Variants in TBCK observed in about 807,000 individuals in gnomAD.
TBCK encodes the protein TBC1 domain containing kinase, also known as TBC domain-containing protein kinase-like protein.
TBCK carries 99 observed loss-of-function variants against 113.4 expected under a neutral mutation model. The ratio of observed to expected loss-of-function variants is 0.87; its 90% CI spans 0.74 to 1.03. TBCK has a LOEUF of 1.03. Ranked by LOEUF, TBCK falls within the 50% of genes least tolerant of loss-of-function variation. The pLI is 0.00. For synonymous variants in TBCK, 369 were observed against 370.8 expected (o/e 1.00, Z 0.05); for missense variants, 1,045 against 1,061.3 (o/e 0.98, Z 0.21).
intron 20 of TBCK, among the ~76,000 whole-genome samples, chr4:106,202,653 T>C (rs1755021039): frequency 6.6e-6 from 1 of 152,058 alleles, no homozygotes; most frequent in African/African-American, 2.4e-5. Context: ...TAGCAACAGT[T>C]TAACTCAAGT....
chr4:106,260,621 A>G (rs1015375669), intron 4 of TBCK, 111 bp from the exon 5 acceptor site: 2 of 388,788 alleles, frequency 5.1e-6, no homozygotes, highest in African/African-American at 4.2e-5. Context: ...AAACCATTAT[A>G]TAACAATATT....
At chr4:106,123,798 A>T (rs1444915150) in intron 23 of TBCK, among the ~76,000 whole-genome samples, 1 of 149,654 alleles carries the variant, frequency 6.7e-6, no homozygotes, top group Non-Finnish European at 1.5e-5. Flanking sequence ...GGCTAGCCAT[A>T]TGTAGAAAGC....
chr4:106,122,571 A>C (rs1744569041), intron 23 of TBCK, among the ~76,000 whole-genome samples: 1 of 152,212 alleles, frequency 6.6e-6, no homozygotes, highest in South Asian at 2.1e-4. Flanking sequence ...AGACACAGCA[A>C]AAAAAGCGAA....
At chr4:106,140,128 G>A (rs1177034673) in intron 23 of TBCK, among the ~76,000 whole-genome samples, 2 of 140,462 alleles carry the variant, frequency 1.4e-5, no homozygotes, top group South Asian at 2.4e-4. Flanking sequence ...ATATCTTCCT[G>A]TTGGTTTACT....
At chr4:106,227,206 T>C (rs1213805022) in intron 19 of TBCK, among the ~76,000 whole-genome samples, 3 of 152,116 alleles carry the variant, frequency 2.0e-5, no homozygotes, top group Non-Finnish European at 4.4e-5. Context: ...AACATAGAGA[T>C]AATGGATCAT....
At chr4:106,310,710 G>C (rs1768110412) in intron 1 of TBCK, 1 of 152,166 alleles carries the variant, frequency 6.6e-6, no homozygotes, top group East Asian at 1.9e-4. Context: ...TATATGCAAA[G>C]CTCCCAGGAA....
chr4:106,279,471 C>G (rs1373696344), intron 3 of TBCK, among the ~76,000 whole-genome samples: 2 of 152,088 alleles, frequency 1.3e-5, no homozygotes, highest in Non-Finnish European at 2.9e-5. Flanking sequence ...TCCAATTATA[C>G]TATTTCAGTA....
At position 106,115,627 on chromosome 4, in the gene TBCK, T is replaced by C. The variant is rs148442996; in HGVS notation, c.2411+576A>G. ...AATACACAATCAAAGAATCTGAAGA[T>C]AATGAAAATAGAAGGAGAAGAGACT... On this transcript the variant is annotated intron_variant, in intron 24 of 25. Transcript: ENST00000394708. 5.0e-3 allele frequency among the ~76,000 whole-genome samples: 763 copies of C among 152,274 alleles called. 3 individuals carry two copies. Among genetic ancestry groups the C allele is most frequent in the African/African-American group, 0.018 (734 of 41,562 alleles).
chr4:106,145,599 T>C (rs1747691943), intron 23 of TBCK, among the ~76,000 whole-genome samples: 1 of 152,218 alleles, frequency 6.6e-6, no homozygotes, highest in Non-Finnish European at 1.5e-5. Context: ...GTTTATACTA[T>C]AATCTATTAG....
At chr4:106,157,247 C>T (rs1019898731) in intron 23 of TBCK, among the ~76,000 whole-genome samples, 1 of 152,124 alleles carries the variant, frequency 6.6e-6, no homozygotes, top group South Asian at 2.1e-4. Flanking sequence ...ATTCTTCTCC[C>T]TCCTCTCCTT....
At chr4:106,180,581 T>G (rs1206728284) in intron 22 of TBCK, among the ~76,000 whole-genome samples, 2 of 152,096 alleles carry the variant, frequency 1.3e-5, no homozygotes, top group Non-Finnish European at 2.9e-5. Flanking sequence ...CCCCTCTCTG[T>G]GTCCATGTGT....
At chr4:106,110,873 T>C (rs1010685391) in intron 24 of TBCK, among the ~76,000 whole-genome samples, 4 of 151,648 alleles carry the variant, frequency 2.6e-5, no homozygotes, top group East Asian at 1.9e-4. Flanking sequence ...ATCCAAAAAA[T>C]TGGAAAAAAG....
In TBCK at chr4:106,041,847, A is replaced by T. The variant is rs1278653293; in HGVS notation, c.*4723T>A. 1 of 152,236 alleles carries T rather than the reference A, an allele frequency of 6.6e-6. No individual in the cohort carries two copies. Among genetic ancestry groups the T allele is most frequent in the Non-Finnish European group, 1.5e-5 (1 of 68,046 alleles). The allele number at this position is 152,236 out of a possible 1,614,324, so 9.4% of individuals were successfully genotyped here. The stretch of plus-strand genomic sequence containing the variant: ...AGTTTTCATGTTACAAGCACCTATC[A>T]TAAGGCATTAACAGGAAAATTACTC... On this transcript the variant is annotated 3_prime_UTR_variant, in exon 26 of 26. Coordinates refer to ENST00000394708, the MANE Select transcript of TBCK (RefSeq NM_001163435.3).
intron 23 of TBCK, among the ~76,000 whole-genome samples, chr4:106,137,407 T>C (rs1746684313): frequency 7.1e-6 from 1 of 139,928 alleles, no homozygotes; most frequent in African/African-American, 2.5e-5. Flanking sequence ...TCTAATTTCA[T>C]AGTGGTAGGT....
Position 106,041,782 on chromosome 4 carries a change from A to G in TBCK, c.*4788T>C, listed in dbSNP as rs992535030. ...CACCGTAGAAGCTATACAGATCACA[A>G]TCTATCTATAGAACACTGAATATGC... On this transcript the variant is annotated 3_prime_UTR_variant, in exon 26 of 26. Coordinates refer to ENST00000394708, the MANE Select transcript of TBCK (RefSeq NM_001163435.3). The G allele has an allele frequency of 1.3e-5, 2 of 152,198 alleles. No individual in the cohort carries two copies. Among genetic ancestry groups the G allele is most frequent in the African/African-American group, 2.4e-5 (1 of 41,456 alleles). 9.4% of individuals were successfully genotyped at this position (152,198 alleles called of 1,614,324 possible).
At chr4:106,302,741 C>T (rs1260997228) in intron 2 of TBCK, among the ~76,000 whole-genome samples, 2 of 152,144 alleles carry the variant, frequency 1.3e-5, no homozygotes, top group Non-Finnish European at 2.9e-5. Flanking sequence ...GATAAACTTA[C>T]AACTGGAAAT....
intron 18 of TBCK, among the ~76,000 whole-genome samples, chr4:106,230,896 G>C (rs1758784110): frequency 6.6e-6 from 1 of 151,796 alleles, no homozygotes; most frequent in Admixed American, 6.6e-5. Flanking sequence ...CAGTATGAGT[G>C]ATCATTGGCT....
At chr4:106,226,210 G>C (rs2149970501) in intron 19 of TBCK, among the ~76,000 whole-genome samples, 1 of 152,232 alleles carries the variant, frequency 6.6e-6, no homozygotes, top group Admixed American at 6.5e-5. Context: ...GTGGAAATTT[G>C]TCTTTTTCAT....
chr4:106,248,133 A>G (rs1226970485), intron 9 of TBCK, 112 bp downstream of exon 9: 2 of 572,200 alleles, frequency 3.5e-6, no homozygotes, highest in African/African-American at 3.9e-5. Context: ...TGTCAATTAT[A>G]TACTACTCCA....
Sources: gnomAD v4.1 joint callset for allele counts (sites outside exome capture counted in the v4.1 genomes callset) on GRCh38, gnomAD v4.1.1 for gene constraint, MANE v1.5 for transcripts, NCBI Gene and HGNC (gene_info 2026-07-23, HGNC 2026-07-21) for gene names.